BAIAP2L1: variants seen among roughly 807,000 people sequenced by gnomAD.
BAIAP2L1 encodes the protein BAR/IMD domain-containing adapter protein 2-like 1.
A neutral mutation model predicts 66.3 loss-of-function variants in BAIAP2L1; 35 were observed. The observed-to-expected ratio is 0.53, with a 90% CI of 0.40 to 0.70. The LOEUF is 0.70. Among genes scored for constraint, BAIAP2L1 ranks in the 30% least tolerant of loss-of-function variants. The pLI, the probability that BAIAP2L1 is intolerant of heterozygous loss-of-function variation, is 0.00. For synonymous variants in BAIAP2L1, 269 were observed against 248.7 expected (o/e 1.08, Z -0.77); for missense variants, 622 against 656.9 (o/e 0.95, Z 0.58).
At chr7:98,301,403 G>A (rs1800413194) in intron 12 of BAIAP2L1, among the ~76,000 whole-genome samples, 1 of 151,606 alleles carries the variant, frequency 6.6e-6, no homozygotes, top group South Asian at 2.1e-4. Context: ...GCTTTTGAAT[G>A]TTCTTGGATG....
chr7:98,316,774 C>A (rs1801087061), intron 6 of BAIAP2L1, among the ~76,000 whole-genome samples: 1 of 152,184 alleles, frequency 6.6e-6, no homozygotes. Context: ...CCTTCATCCA[C>A]TCCCCAGTCA....
At chr7:98,369,231 C>T (rs918473044) in intron 1 of BAIAP2L1, among the ~76,000 whole-genome samples, 1 of 152,034 alleles carries the variant, frequency 6.6e-6, no homozygotes, top group African/African-American at 2.4e-5. Context: ...CCTGTAATCC[C>T]AAGCACTTTG....
chr7:98,299,857 A>G (rs1169529389), intron 12 of BAIAP2L1, among the ~76,000 whole-genome samples: 1 of 151,962 alleles, frequency 6.6e-6, no homozygotes, highest in Non-Finnish European at 1.5e-5. Context: ...CCTGGCCAAC[A>G]TGGTGAAACC....
chr7:98,333,579 A>G (rs1006391979), intron 3 of BAIAP2L1, among the ~76,000 whole-genome samples: 1 of 152,110 alleles, frequency 6.6e-6, no homozygotes, highest in Admixed American at 6.6e-5. Flanking sequence ...AGCCTGGGCA[A>G]CAGAGGAAGA....
At chr7:98,384,768 G>A (rs542171561) in intron 1 of BAIAP2L1, among the ~76,000 whole-genome samples, 34 of 141,282 alleles carry the variant, frequency 2.4e-4, no homozygotes, top group South Asian at 1.1e-3. Flanking sequence ...GCACGATCTC[G>A]GCTCACTGCA....
At chr7:98,350,913 G>A (rs1801985730) in intron 3 of BAIAP2L1, among the ~76,000 whole-genome samples, 1 of 152,092 alleles carries the variant, frequency 6.6e-6, no homozygotes, top group East Asian at 1.9e-4. Context: ...CTGGACTGTA[G>A]TGGAGCGATC....
At chr7:98,378,565 C>T (rs541233004) in intron 1 of BAIAP2L1, among the ~76,000 whole-genome samples, 1 of 152,210 alleles carries the variant, frequency 6.6e-6, no homozygotes, top group Non-Finnish European at 1.5e-5. Flanking sequence ...CTTTAAAGTA[C>T]TTATCATACT....
At chr7:98,307,664 C>A in intron 10 of BAIAP2L1, 25 bp downstream of exon 10, 1 of 1,612,322 alleles carries the variant, frequency 6.2e-7, no homozygotes, top group South Asian at 1.1e-5. Flanking sequence ...TGGTGCCCTG[C>A]GGGGACCATC....
intron 1 of BAIAP2L1, among the ~76,000 whole-genome samples, chr7:98,377,617 G>A (rs1209260582): frequency 1.3e-5 from 2 of 151,960 alleles, no homozygotes; most frequent in Admixed American, 6.6e-5. Flanking sequence ...TCAGGAGTTC[G>A]AGATCAGCCT....
chr7:98,388,752 C>T lies in BAIAP2L1; in HGVS notation c.51+12050G>A, dbSNP rs1054590777. Reference sequence around the variant, plus strand: ...ACTTTGGGAGACCGATGCAGGCAGACGGCTTGAGCCCAGGAGTTCAAGACC... The same window carrying T: ...ACTTTGGGAGACCGATGCAGGCAGATGGCTTGAGCCCAGGAGTTCAAGACC... On this transcript the variant is annotated intron_variant, in intron 1 of 13. Coordinates refer to ENST00000005260, the MANE Select transcript of BAIAP2L1 (RefSeq NM_018842.5). Among the ~76,000 whole-genome samples, 5 of 152,012 alleles carry T rather than the reference C, an allele frequency of 3.3e-5. No individual in the cohort carries two copies. The East Asian group carries it at 5.8e-4, about 18-fold the overall frequency.
intron 3 of BAIAP2L1, among the ~76,000 whole-genome samples, chr7:98,328,987 C>T (rs1420660769): frequency 1.3e-5 from 2 of 152,148 alleles, no homozygotes; most frequent in African/African-American, 4.8e-5. Flanking sequence ...CTTTTAAAAC[C>T]TTAAACAGAA....
In BAIAP2L1 at chr7:98,362,372, CATA is replaced by C; in HGVS notation, c.109_111del (p.Tyr37del). On this transcript the variant is annotated inframe_deletion, in exon 2 of 14. Coordinates refer to ENST00000005260, the MANE Select transcript of BAIAP2L1 (RefSeq NM_018842.5). ...ACAGACTTACCGTTTACAGCTTTCTCATAATTTTTCCCCAGGTTTATTAAATTT... is the reference window on the plus strand; with the variant it reads ...ACAGACTTACCGTTTACAGCTTTCTCATTTTTCCCCAGGTTTATTAAATTT... 1 of 1,611,338 alleles carries C rather than the reference CATA, an allele frequency of 6.2e-7. No individual in the cohort carries two copies. Among genetic ancestry groups the C allele is most frequent in the Non-Finnish European group, 8.5e-7 (1 of 1,177,934 alleles).
chr7:98,354,384 C>T (rs556117689), intron 3 of BAIAP2L1, among the ~76,000 whole-genome samples: 6 of 152,140 alleles, frequency 3.9e-5, no homozygotes, highest in South Asian at 2.1e-4. Context: ...GATTTTCCTC[C>T]GGTTAAGCCA....
chr7:98,361,707 GT>G (rs1282502359), intron 2 of BAIAP2L1, among the ~76,000 whole-genome samples: 1 of 152,062 alleles, frequency 6.6e-6, no homozygotes, highest in Non-Finnish European at 1.5e-5. Flanking sequence ...TAATTTAGAT[GT>G]TTTTCCATTC....
intron 3 of BAIAP2L1, among the ~76,000 whole-genome samples, chr7:98,353,537 A>G (rs1032456543): frequency 4.4e-5 from 6 of 136,064 alleles, no homozygotes; most frequent in South Asian, 2.1e-4. Flanking sequence ...ATAAATATAC[A>G]TATATTTATA....
rs531050822 is a variant in BAIAP2L1, at chr7:98,346,002, T to A, written c.214+9040A>T. ...CGGTTGGAGTTAAATGGGAAGCAAC[T>A]GCTAATGGGTGAGGGTTTCTTTTTG... On this transcript the variant is annotated intron_variant, in intron 3 of 13. Transcript: ENST00000005260. Among the ~76,000 whole-genome samples, 25 of 152,244 alleles carry A rather than the reference T, an allele frequency of 1.6e-4. No individual in the cohort carries two copies. The East Asian group carries it at 4.6e-3, about 28-fold the overall frequency.
chr7:98,332,808 C>G (rs1252274991), intron 3 of BAIAP2L1, among the ~76,000 whole-genome samples: 1 of 61,918 alleles, frequency 1.6e-5, no homozygotes, highest in Non-Finnish European at 4.6e-5. Flanking sequence ...GACTTCGTCC[C>G]CAAAAAAAAA....
chr7:98,298,322 A>G (rs186797170), intron 12 of BAIAP2L1, among the ~76,000 whole-genome samples: 2 of 151,876 alleles, frequency 1.3e-5, no homozygotes, highest in Non-Finnish European at 2.9e-5. Flanking sequence ...GCTTTTAAAA[A>G]ACATTAGGGG....
intron 2 of BAIAP2L1, 91 bp downstream of exon 2, chr7:98,362,266 G>T (rs2115725975): frequency 1.0e-6 from 1 of 971,860 alleles, no homozygotes; most frequent in Non-Finnish European, 1.6e-6. Flanking sequence ...ACCACTTAAA[G>T]GTATTTAAAA....
Sources: gnomAD v4.1 joint callset for allele counts (sites outside exome capture counted in the v4.1 genomes callset) on GRCh38, gnomAD v4.1.1 for gene constraint, MANE v1.5 for transcripts, NCBI Gene and HGNC (gene_info 2026-07-23, HGNC 2026-07-21) for gene names.